The following KLC1 variants were observed in gnomAD, a reference collection of about 807,000 sequenced individuals.
KLC1 encodes kinesin light chain 1, also known as kinesin 2 60/70kDa.
KLC1 carries 30 observed loss-of-function variants against 84.2 expected under a neutral mutation model. The observed-to-expected ratio is 0.36, with a 90% CI of 0.27 to 0.48. The LOEUF (loss-of-function observed/expected upper bound fraction) is 0.48, where lower values mean the gene tolerates loss of function less well. Among genes scored for constraint, KLC1 ranks in the 20% least tolerant of loss-of-function variants. The pLI is 0.99. For missense variants in KLC1, 499 were observed against 805.4 expected, an observed-to-expected ratio of 0.62 and a Z score of 4.60; for synonymous variants, 289 against 293.3, an observed-to-expected ratio of 0.99 and a Z score of 0.15.
Position 103,693,534 on chromosome 14 carries a change from T to G in KLC1, c.1848+1109T>G, listed in dbSNP as rs1345337824. On this transcript the variant is annotated intron_variant, in intron 15 of 16. Transcript: ENST00000334553. This position sits in a 1 kb window ranked among gnomAD's most constrained non-coding sequence, Gnocchi z 5.1. The stretch of plus-strand genomic sequence containing the variant: ...AAGTCCTGGTTAAGTGTAATTTTTC[T>G]ATTTGTTTTTTCATGCAGGAACGAA... The G allele has an allele frequency of 6.5e-7, 1 of 1,535,924 alleles. No homozygotes were observed. The highest frequency in any genetic ancestry group is 1.4e-5 in the African/African-American group (1 of 73,042).
intron 1 of KLC1, among the ~76,000 whole-genome samples, chr14:103,650,765 A>T (rs12888764): frequency 6.6e-6 from 1 of 151,636 alleles, no homozygotes; most frequent in Non-Finnish European, 1.5e-5. Context: ...TTTTTAGTAG[A>T]GACGGGGTTT....
intron 15 of KLC1, chr14:103,699,591 G>T: frequency 6.2e-7 from 1 of 1,612,068 alleles, no homozygotes. Context: ...GGGGACAGCT[G>T]TCATTGTCTA....
In KLC1 at chr14:103,700,673, T is replaced by G. The variant is rs1052760101; in HGVS notation, c.1867T>G (p.Ser623Ala). 1.2e-6 allele frequency: 2 copies of G among 1,607,402 alleles called. No individual in the cohort carries two copies. Among genetic ancestry groups the G allele is most frequent in the African/African-American group, 2.7e-5 (2 of 74,450 alleles). ...DRFQGVSGRA[S>A]FCGKRQQQQW... is the part of the protein sequence containing the mutation. Reference sequence around the variant, plus strand: ...TCTCCAGGGCGTCTCTGGCCGAGCCTCTTTTTGTGGAAAACGACAGCAGCA... The same window carrying G: ...TCTCCAGGGCGTCTCTGGCCGAGCCGCTTTTTGTGGAAAACGACAGCAGCA... Residue 623 changes from serine to alanine, a missense_variant, in exon 16 of 17, where the codon TCT (serine) becomes GCT (alanine). This residue lies in a region of KLC1 where 167 missense variants were observed against 208.8 expected (regional missense o/e 0.80). Coordinates refer to ENST00000334553, the MANE Select transcript of KLC1 (RefSeq NM_001394837.1).
intron 7 of KLC1, among the ~76,000 whole-genome samples, chr14:103,671,876 A>T (rs569558450): frequency 2.0e-5 from 3 of 152,356 alleles, no homozygotes; most frequent in African/African-American, 7.2e-5. Context: ...GGCTGGAGTT[A>T]AAGTCAGGGA....
chr14:103,644,364 A>G (rs2077734689), intron 1 of KLC1, among the ~76,000 whole-genome samples: 2 of 151,370 alleles, frequency 1.3e-5, no homozygotes, highest in Admixed American at 1.3e-4. Context: ...AGTTCAAGCA[A>G]TTCTCTGCCT....
chr14:103,668,622 C>T (rs1209513432), intron 5 of KLC1, among the ~76,000 whole-genome samples: 1 of 151,980 alleles, frequency 6.6e-6, no homozygotes, highest in African/African-American at 2.4e-5. Flanking sequence ...GGACAACAGG[C>T]GCATGCTGCC....
chr14:103,687,293 C>T, intron 14 of KLC1, 82 bp downstream of exon 14: 1 of 1,357,700 alleles, frequency 7.4e-7, no homozygotes, highest in East Asian at 2.9e-5. Flanking sequence ...CTTCCTCACC[C>T]ACAGACTTGA....
Position 103,698,590 on chromosome 14 carries a change from C to T in KLC1, c.1849-2065C>T, listed in dbSNP as rs1451400576. On this transcript the variant is annotated intron_variant, in intron 15 of 16. Coordinates refer to ENST00000334553, the MANE Select transcript of KLC1 (RefSeq NM_001394837.1). ...CCAGCAAGCGGGCCTGTCCCCAGACCCAGGGAGAGGCAGAACATCCCCCCA... is the reference window on the plus strand; with the variant it reads ...CCAGCAAGCGGGCCTGTCCCCAGACTCAGGGAGAGGCAGAACATCCCCCCA... 6.6e-6 allele frequency: 4 copies of T among 610,058 alleles called. No homozygotes were observed. In the Admixed American group the frequency reaches 8.2e-5, roughly 12 times the overall value. 37.8% of individuals were successfully genotyped at this position (610,058 alleles called of 1,614,324 possible).
Position 103,654,582 on chromosome 14 carries a change from C to A in KLC1, c.18C>A (p.Ser6=). Residue 6 remains serine, a synonymous_variant, in exon 2 of 17, where the codon TCC becomes TCA. Coordinates refer to ENST00000334553, the MANE Select transcript of KLC1 (RefSeq NM_001394837.1). ...ATTCCAGAATGTATGACAACATGTC[C>A]ACAATGGTGTACATAAAGGAAGACA... The part of the protein sequence containing the change: MYDNM[S]TMVYIKEDKL... The A allele has an allele frequency of 6.2e-7, 1 of 1,612,174 alleles. No homozygotes were observed.
At position 103,691,773 on chromosome 14, in the gene KLC1, T is replaced by A. The variant is rs570062291; in HGVS notation, c.1782-586T>A. On this transcript the variant is annotated intron_variant, in intron 14 of 16. Coordinates refer to ENST00000334553, the MANE Select transcript of KLC1 (RefSeq NM_001394837.1). Reference sequence around the variant, plus strand: ...CACTGCAGCTGGTCTTTTTTTTGTTTCGTTTTGTTTTAAAGAGAGACAGGG... The same window carrying A: ...CACTGCAGCTGGTCTTTTTTTTGTTACGTTTTGTTTTAAAGAGAGACAGGG... Among the ~76,000 whole-genome samples the A allele has an allele frequency of 1.0e-3, 158 of 152,016 alleles. 5 individuals are homozygous for A. In the South Asian group the frequency reaches 0.032, roughly 31 times the overall value.
intron 12 of KLC1, among the ~76,000 whole-genome samples, 168 bp downstream of exon 12, chr14:103,677,691 G>T (rs2081014962): frequency 6.6e-6 from 1 of 152,250 alleles, no homozygotes; most frequent in Non-Finnish European, 1.5e-5. Flanking sequence ...GGGCGTGGTG[G>T]TTCACACCTT....
intron 15 of KLC1, chr14:103,696,040 A>G (rs861543): frequency 0.97 from 951,136 of 983,390 alleles, 460,498 homozygotes; most frequent in East Asian, 0.98. Context: ...GAGGAACCCC[A>G]CGCGAGAGTC....
At chr14:103,698,681 G>C in intron 15 of KLC1, 1 of 912,918 alleles carries the variant, frequency 1.1e-6, no homozygotes, top group South Asian at 1.4e-5. Context: ...TGCCCTGGAA[G>C]AGCTGTGTCT....
chr14:103,644,147 G>A (rs1312158900), intron 1 of KLC1, among the ~76,000 whole-genome samples: 1 of 149,064 alleles, frequency 6.7e-6, no homozygotes, highest in South Asian at 2.2e-4. Flanking sequence ...CCTGGGAGGC[G>A]GAGCTTGCAG....
At chr14:103,663,045 C>A in intron 5 of KLC1, 118 bp downstream of exon 5, 4 of 606,132 alleles carry the variant, frequency 6.6e-6, no homozygotes, top group Non-Finnish European at 1.1e-5. Flanking sequence ...ATATCCACTT[C>A]TCTTTAAACA....
At chr14:103,695,494 C>T (rs1004439200) in intron 15 of KLC1, 12 of 985,084 alleles carry the variant, frequency 1.2e-5, no homozygotes, top group Non-Finnish European at 1.3e-5. Flanking sequence ...TGTGCACAGG[C>T]GACAGGGAGG....
rs896579275 is a variant in KLC1, at chr14:103,670,596, A to C, written c.987+313A>C. Among the ~76,000 whole-genome samples, 32 of 151,218 alleles carry C rather than the reference A, an allele frequency of 2.1e-4. 1 individual carries two copies. Among genetic ancestry groups the C allele is most frequent in the African/African-American group, 6.6e-4 (27 of 40,918 alleles). ...CTGATCCGCCCGCCTTGGCCTCCCAAAGTGCTGGGATTACAGGCTGAGCCA... is the reference window on the plus strand; with the variant it reads ...CTGATCCGCCCGCCTTGGCCTCCCACAGTGCTGGGATTACAGGCTGAGCCA... On this transcript the variant is annotated intron_variant, in intron 7 of 16. Transcript: ENST00000334553.
At chr14:103,642,653 A>C (rs2077577350) in intron 1 of KLC1, among the ~76,000 whole-genome samples, 2 of 152,320 alleles carry the variant, frequency 1.3e-5, no homozygotes, top group Admixed American at 6.5e-5. Context: ...TATGCTAAAA[A>C]ACAAAGGGAT....
chr14:103,653,807 G>A (rs894553022), intron 1 of KLC1, among the ~76,000 whole-genome samples: 1 of 152,166 alleles, frequency 6.6e-6, no homozygotes, highest in African/African-American at 2.4e-5. Context: ...TTAACTATGG[G>A]TTTTTAAGAC....
Sources: gnomAD v4.1 joint callset for allele counts (sites outside exome capture counted in the v4.1 genomes callset) on GRCh38, gnomAD v4.1.1 for gene constraint, gnomAD v4.1.1 regional missense constraint, Gnocchi (gnomAD v3.1) non-coding constraint, MANE v1.5 for transcripts, NCBI Gene and HGNC (gene_info 2026-07-23, HGNC 2026-07-21) for gene names.